ARAP2: variants seen among roughly 807,000 people sequenced by gnomAD.
ARAP2 encodes the protein arf-GAP with Rho-GAP domain, ANK repeat and PH domain-containing protein 2.
ARAP2 carries 148 observed loss-of-function variants against 194.5 expected under a neutral mutation model. That is an observed-to-expected ratio of 0.76 (90% CI 0.67 to 0.87). ARAP2 has a LOEUF of 0.87. Among genes scored for constraint, ARAP2 ranks in the 40% least tolerant of loss-of-function variants. The pLI, the probability that ARAP2 is intolerant of heterozygous loss-of-function variation, is 0.00. For missense variants in ARAP2, 2,128 were observed against 1,989.7 expected, an observed-to-expected ratio of 1.07 and a Z score of -1.32; for synonymous variants, 695 against 683.5, an observed-to-expected ratio of 1.02 and a Z score of -0.26.
intron 11 of ARAP2, among the ~76,000 whole-genome samples, chr4:36,164,116 C>T (rs1457965834): frequency 6.6e-6 from 1 of 152,164 alleles, no homozygotes; most frequent in Non-Finnish European, 1.5e-5. Context: ...ATGTCTTATA[C>T]ATGTTTTTAA....
intron 32 of ARAP2, among the ~76,000 whole-genome samples, chr4:36,073,191 A>G (rs1422623419): frequency 6.6e-6 from 1 of 152,136 alleles, no homozygotes. Context: ...GAAAACAAAC[A>G]GTAGCTTTCA....
At chr4:36,083,707 A>G (rs1177807473) in intron 28 of ARAP2, among the ~76,000 whole-genome samples, 1 of 152,124 alleles carries the variant, frequency 6.6e-6, no homozygotes, top group African/African-American at 2.4e-5. Flanking sequence ...AGACATGCAC[A>G]TGGCTCTATA....
intron 13 of ARAP2, 55 bp downstream of exon 13, chr4:36,160,404 C>A (rs750497224): frequency 7.2e-7 from 1 of 1,382,358 alleles, no homozygotes; most frequent in Non-Finnish European, 9.5e-7. Context: ...AGAATCTTGG[C>A]ACATCATTAA....
chr4:36,191,238 C>A (rs1450564403), intron 7 of ARAP2, among the ~76,000 whole-genome samples: 1 of 152,068 alleles, frequency 6.6e-6, no homozygotes, highest in Non-Finnish European at 1.5e-5. Context: ...GAAAATGTTA[C>A]CATTAACCCA....
At chr4:36,198,323 T>G (rs1050792937) in intron 6 of ARAP2, among the ~76,000 whole-genome samples, 3 of 152,188 alleles carry the variant, frequency 2.0e-5, no homozygotes, top group Non-Finnish European at 4.4e-5. Flanking sequence ...GTGCACCAAC[T>G]GGTCCATGGG....
At chr4:36,161,178 CACACACACACAT>C (rs1733850663) in intron 12 of ARAP2, among the ~76,000 whole-genome samples, 1 of 151,746 alleles carries the variant, frequency 6.6e-6, no homozygotes, top group Admixed American at 6.6e-5. Context: ...CACACACACA[CACACACACACAT>C]ATACAGTTCT....
chr4:36,104,199 C>CA (rs1419397296), intron 27 of ARAP2, among the ~76,000 whole-genome samples: 2 of 134,012 alleles, frequency 1.5e-5, no homozygotes, highest in Admixed American at 7.6e-5. Flanking sequence ...ACTGCTCCCC[C>CA]ACCTTTTTTT....
chr4:36,159,401 GGTGCT>G lies in ARAP2; in HGVS notation c.2542_2546del (p.Ser848ProfsTer20). ...CAGCTTTCTTGGCTAGCAGATAGGG[GGTGCT>G]ATGCACGGGGTCTCCGGTGGCACAC... On this transcript the variant is annotated frameshift_variant, in exon 14 of 33. Coordinates refer to ENST00000303965, the MANE Select transcript of ARAP2 (RefSeq NM_015230.4). LOFTEE classifies it high-confidence loss of function. The G allele has an allele frequency of 6.2e-7, 1 of 1,610,676 alleles. No individual in the cohort carries two copies. Among genetic ancestry groups the G allele is most frequent in the Non-Finnish European group, 8.5e-7 (1 of 1,177,900 alleles).
At chr4:36,129,865 A>G (rs768739410) in intron 20 of ARAP2, among the ~76,000 whole-genome samples, 6 of 151,742 alleles carry the variant, frequency 4.0e-5, no homozygotes, top group Admixed American at 1.3e-4. Flanking sequence ...ACACCCATAC[A>G]TCTTATGGCA....
At chr4:36,101,941 C>A (rs1717052165) in intron 27 of ARAP2, among the ~76,000 whole-genome samples, 2 of 151,754 alleles carry the variant, frequency 1.3e-5, no homozygotes, top group Admixed American at 1.3e-4. Flanking sequence ...GTTAAGCACT[C>A]TTTTTTCCTA....
At chr4:36,061,343 T>G (rs1258495584), downstream of ARAP2, among the ~76,000 whole-genome samples, 2 of 152,162 alleles carry the variant, frequency 1.3e-5, no homozygotes, top group East Asian at 3.8e-4. Flanking sequence ...TCTTATCTCA[T>G]CCCACCACCC....
At chr4:36,242,611 G>A (rs1225439034) in intron 1 of ARAP2, among the ~76,000 whole-genome samples, 2 of 152,170 alleles carry the variant, frequency 1.3e-5, no homozygotes, top group African/African-American at 4.8e-5. Context: ...CTTCTCCACA[G>A]TATCCAAGAA....
intron 10 of ARAP2, chr4:36,006,326 G>T (rs1713264835): frequency 1.3e-5 from 2 of 152,212 alleles, no homozygotes; most frequent in South Asian, 4.1e-4. Context: ...TGTCTTAGAC[G>T]TTTGGTGAGT....
Position 36,114,279 on chromosome 4 carries a change from A to G in ARAP2, c.4047T>C (p.Pro1349=). The part of the protein sequence containing the change: ...PDCSIIIRIS[P]VMEAEELTND... ...TAGTTAATTCTTCTGCTTCCATCACAGGAGATATCTGTAAGAGAAGTAATA... is the reference window on the plus strand; with the variant it reads ...TAGTTAATTCTTCTGCTTCCATCACGGGAGATATCTGTAAGAGAAGTAATA... Residue 1349 remains proline (P), a synonymous_variant, in exon 26 of 33, where the codon CCT becomes CCC. Transcript: ENST00000303965. 1 of 1,564,298 alleles carries G rather than the reference A, an allele frequency of 6.4e-7. No homozygotes were observed. The highest frequency in any genetic ancestry group is 8.8e-7 in the Non-Finnish European group (1 of 1,142,054).
At chr4:36,029,270 A>G (rs1718505976) in intron 5 of ARAP2, among the ~76,000 whole-genome samples, 1 of 151,974 alleles carries the variant, frequency 6.6e-6, no homozygotes, top group South Asian at 2.1e-4. Flanking sequence ...CTTCTGCTCT[A>G]TGTAAAAACT....
intron 6 of ARAP2, among the ~76,000 whole-genome samples, chr4:36,207,524 A>G (rs1462571816): frequency 6.6e-6 from 1 of 152,216 alleles, no homozygotes; most frequent in Non-Finnish European, 1.5e-5. Flanking sequence ...TCTTAACCAA[A>G]TATTGGGCAA....
At chr4:36,188,706 A>G (rs1156945219) in intron 7 of ARAP2, among the ~76,000 whole-genome samples, 1 of 152,200 alleles carries the variant, frequency 6.6e-6, no homozygotes, top group Non-Finnish European at 1.5e-5. Flanking sequence ...TCCCTTCCAC[A>G]GCGTTATCCT....
At position 36,110,133 on chromosome 4, in the gene ARAP2, T is replaced by C. The variant is rs549585953; in HGVS notation, c.4157-2440A>G. ...GGAACAGAGATGTGCATCCCAAACC[T>C]ATCTAACTTTAAAGCCCAAAATCTT... is the stretch of plus-strand genomic sequence containing the variant. On this transcript the variant is annotated intron_variant, in intron 26 of 32. Coordinates refer to ENST00000303965, the MANE Select transcript of ARAP2 (RefSeq NM_015230.4). Among the ~76,000 whole-genome samples the C allele has an allele frequency of 3.3e-5, 5 of 151,962 alleles. No homozygotes were observed. The East Asian group carries it at 7.8e-4, about 24-fold the overall frequency.
In ARAP2 at chr4:36,187,477, G is replaced by GT; in HGVS notation, c.1651dup (p.Thr551AsnfsTer5). The GT allele has an allele frequency of 6.8e-7, 1 of 1,479,416 alleles. No homozygotes were observed. The highest frequency in any genetic ancestry group is 9.1e-7 in the Non-Finnish European group (1 of 1,093,348). 91.6% of individuals were successfully genotyped at this position (1,479,416 alleles called of 1,614,324 possible). ...TTCTTTTTCTACTCTAAAAACAAAA[G>GT]TTCTTTGTGTTGTAACAACTTCAAA... On this transcript the variant is annotated frameshift_variant, in exon 8 of 33. Coordinates refer to ENST00000303965, the MANE Select transcript of ARAP2 (RefSeq NM_015230.4). LOFTEE classifies it high-confidence loss of function.
Sources: gnomAD v4.1 joint callset for allele counts (sites outside exome capture counted in the v4.1 genomes callset) on GRCh38, gnomAD v4.1.1 for gene constraint, MANE v1.5 for transcripts, NCBI Gene and HGNC (gene_info 2026-07-23, HGNC 2026-07-21) for gene names.